The following GRIK2 variants were observed in gnomAD, a reference collection of about 807,000 sequenced individuals.
GRIK2 encodes glutamate ionotropic receptor kainate type subunit 2, also known as glutamate receptor ionotropic, kainate 2.
Under a neutral mutation model 100.3 loss-of-function variants are expected in GRIK2, and 32 were observed. The ratio of observed to expected loss-of-function variants is 0.32; its 90% CI spans 0.24 to 0.43. The LOEUF is 0.43. GRIK2 is among the 20% of genes least tolerant of loss of function. The probability of loss-of-function intolerance (pLI) is 1.00; values close to 1 mark genes in which losing one functional copy is unlikely to be tolerated. For missense variants in GRIK2, 843 were observed against 1,114.9 expected (o/e 0.76, Z 3.47); for synonymous variants, 417 against 389.4 (o/e 1.07, Z -0.83).
chr6:101,662,042 C>G (rs965966302), intron 4 of GRIK2, among the ~76,000 whole-genome samples: 3 of 152,202 alleles, frequency 2.0e-5, no homozygotes, highest in Non-Finnish European at 2.9e-5. Context: ...AGCTTCCTCA[C>G]CCTCAGAGGT....
At chr6:101,852,565 G>C (rs998902337) in intron 10 of GRIK2, among the ~76,000 whole-genome samples, 1 of 152,134 alleles carries the variant, frequency 6.6e-6, no homozygotes, top group African/African-American at 2.4e-5. Flanking sequence ...GGGATGTTTG[G>C]TGCTTTTGAA....
At chr6:101,416,795 G>A (rs1405348988) in intron 2 of GRIK2, among the ~76,000 whole-genome samples, 2 of 152,142 alleles carry the variant, frequency 1.3e-5, no homozygotes, top group Admixed American at 1.3e-4. Context: ...AAAAATGTGT[G>A]GCCATTGCCT....
At chr6:101,831,012 T>C (rs983898493) in intron 10 of GRIK2, among the ~76,000 whole-genome samples, 6 of 152,038 alleles carry the variant, frequency 3.9e-5, no homozygotes, top group African/African-American at 1.2e-4. Context: ...AACATCCTAT[T>C]GGATACCACA....
chr6:101,631,189 CA>C (rs1780728671), intron 4 of GRIK2, among the ~76,000 whole-genome samples: 1 of 152,034 alleles, frequency 6.6e-6, no homozygotes, highest in Non-Finnish European at 1.5e-5. Context: ...GCTTCAGAAA[CA>C]AAGCTGTGTT....
chr6:101,591,275 T>G (rs932583356), intron 2 of GRIK2, among the ~76,000 whole-genome samples: 6 of 151,864 alleles, frequency 4.0e-5, no homozygotes, highest in African/African-American at 2.4e-5. Flanking sequence ...AATTTCCACT[T>G]AGTATTTCTC....
chr6:101,510,510 G>GT (rs142391999), intron 2 of GRIK2, among the ~76,000 whole-genome samples: 2,403 of 94,252 alleles, frequency 0.025, 317 homozygotes, highest in Non-Finnish European at 0.038. Flanking sequence ...CAGTTGGGGA[G>GT]TTTTTTTTTT....
At chr6:101,829,978 A>T (rs1195420013) in intron 10 of GRIK2, among the ~76,000 whole-genome samples, 5 of 152,026 alleles carry the variant, frequency 3.3e-5, no homozygotes, top group African/African-American at 1.2e-4. Context: ...CGGCAACTCT[A>T]TACAAAAAGA....
intron 2 of GRIK2, among the ~76,000 whole-genome samples, chr6:101,451,943 G>A (rs902215661): frequency 7.3e-5 from 11 of 151,662 alleles, no homozygotes; most frequent in Admixed American, 5.3e-4. Flanking sequence ...GTATTCACTA[G>A]TACTAAAACT....
chr6:101,899,974 A>G (rs9689087), intron 12 of GRIK2, among the ~76,000 whole-genome samples: 44,049 of 151,882 alleles, frequency 0.29, 7,093 homozygotes, highest in Non-Finnish European at 0.36. Flanking sequence ...TAATCTAGTG[A>G]TTTTACAAAA....
intron 9 of GRIK2, among the ~76,000 whole-genome samples, chr6:101,805,701 T>C (rs547823555): frequency 1.3e-5 from 2 of 152,146 alleles, no homozygotes; most frequent in African/African-American, 4.8e-5. Flanking sequence ...ATTAGACTTA[T>C]AAAATTATAA....
At chr6:101,974,081 A>T (rs536089374) in intron 14 of GRIK2, among the ~76,000 whole-genome samples, 1 of 152,110 alleles carries the variant, frequency 6.6e-6, no homozygotes, top group Admixed American at 6.6e-5. Flanking sequence ...GTTATTTTTA[A>T]TAATAGAGTC....
At chr6:101,639,193 T>C (rs1385560142) in intron 4 of GRIK2, among the ~76,000 whole-genome samples, 1 of 152,040 alleles carries the variant, frequency 6.6e-6, no homozygotes, top group Non-Finnish European at 1.5e-5. Context: ...CGTGCCACCA[T>C]GCCCGGCTAA....
chr6:101,698,317 C>T (rs1355013148), intron 7 of GRIK2, among the ~76,000 whole-genome samples: 1 of 151,986 alleles, frequency 6.6e-6, no homozygotes, highest in Non-Finnish European at 1.5e-5. Flanking sequence ...TATGCTTGGC[C>T]AATACTTTTT....
At chr6:102,052,691 A>G (rs1193288481) in intron 15 of GRIK2, among the ~76,000 whole-genome samples, 1 of 152,226 alleles carries the variant, frequency 6.6e-6, no homozygotes, top group East Asian at 1.9e-4. Flanking sequence ...ATGAGCTCTC[A>G]CAAAATAAAT....
chr6:101,434,044 A>G (rs1366381877), intron 2 of GRIK2, among the ~76,000 whole-genome samples: 1 of 152,250 alleles, frequency 6.6e-6, no homozygotes, highest in Non-Finnish European at 1.5e-5. Flanking sequence ...TGACACGGGT[A>G]TAGATGTGAC....
At chr6:101,550,641 G>A (rs762969556) in intron 2 of GRIK2, among the ~76,000 whole-genome samples, 114 of 152,240 alleles carry the variant, frequency 7.5e-4, no homozygotes, top group Non-Finnish European at 9.3e-4. Context: ...CTGTCTTAAC[G>A]TGGAATGTAA....
Position 102,057,388 on chromosome 6 carries a change from C to T in GRIK2, c.2562+1808C>T, listed in dbSNP as rs141429305. Among the ~76,000 whole-genome samples the T allele has an allele frequency of 5.0e-3, 760 of 151,974 alleles. 8 individuals are homozygous for T. The highest frequency in any genetic ancestry group is 0.014 in the Middle Eastern group (4 of 292). On this transcript the variant is annotated intron_variant, in intron 16 of 16. Transcript: ENST00000369134. ...TACAAGTATCTGGTTAAAACAAAAACAAATGATGCGAGGATTTAATTTTGT... is the reference window on the plus strand; with the variant it reads ...TACAAGTATCTGGTTAAAACAAAAATAAATGATGCGAGGATTTAATTTTGT...
Position 102,068,768 on chromosome 6 carries a change from A to G in GRIK2, c.*257A>G, listed in dbSNP as rs1772136234. 1 of 288,314 alleles carries G rather than the reference A, an allele frequency of 3.5e-6. No individual in the cohort carries two copies. Among genetic ancestry groups the G allele is most frequent in the South Asian group, 8.5e-5 (1 of 11,754 alleles). The allele number at this position is 288,314 out of a possible 1,614,324, so 17.9% of individuals were successfully genotyped here. On this transcript the variant is annotated 3_prime_UTR_variant, in exon 17 of 17. Coordinates refer to ENST00000369134, the MANE Select transcript of GRIK2 (RefSeq NM_021956.5). ...TCCCTTCTTCTGAGTGAATGTTAAC[A>G]TGCGCATTTTGTGGCTGATTTCAAA...
intron 10 of GRIK2, among the ~76,000 whole-genome samples, chr6:101,857,169 G>T (rs1180069008): frequency 6.6e-6 from 1 of 151,552 alleles, no homozygotes; most frequent in Non-Finnish European, 1.5e-5. Context: ...CACCAAATGT[G>T]CCTCTGTCTC....
Sources: allele counts gnomAD v4.1 joint callset (sites outside exome capture counted in the v4.1 genomes callset), GRCh38; gene constraint gnomAD v4.1.1; transcripts MANE v1.5; gene names NCBI Gene and HGNC (gene_info 2026-07-23, HGNC 2026-07-21).